Variants in SPIDR observed in about 807,000 individuals in gnomAD.
The protein encoded by SPIDR is scaffold protein involved in DNA repair, also known as DNA repair-scaffolding protein.
A neutral mutation model predicts 104.6 loss-of-function variants in SPIDR; 93 were observed. The observed-to-expected ratio is 0.89, with a 90% CI of 0.75 to 1.06. SPIDR has a LOEUF of 1.06. Ranked by LOEUF, SPIDR falls within the 50% of genes least tolerant of loss-of-function variation. The pLI is 0.00. For synonymous variants in SPIDR, 431 were observed against 416.9 expected (o/e 1.03, Z -0.41); for missense variants, 1,154 against 1,111.2 (o/e 1.04, Z -0.55).
intron 1 of SPIDR, among the ~76,000 whole-genome samples, chr8:47,261,298 T>C (rs78005016): frequency 0.03 from 4,554 of 152,298 alleles, 217 homozygotes; most frequent in African/African-American, 0.1. Flanking sequence ...TACTTGGCCT[T>C]ACTCTTGTCT....
chr8:47,383,002 A>C (rs759378640), intron 5 of SPIDR, among the ~76,000 whole-genome samples: 4 of 152,202 alleles, frequency 2.6e-5, no homozygotes, highest in African/African-American at 4.8e-5. Flanking sequence ...TTTAACTCCT[A>C]GTATACAGCC....
chr8:47,394,581 T>C (rs2061027905), intron 5 of SPIDR, among the ~76,000 whole-genome samples: 2 of 152,194 alleles, frequency 1.3e-5, no homozygotes, highest in African/African-American at 2.4e-5. Context: ...AAGCACCCCA[T>C]TGCACACACG....
At chr8:47,676,175 A>T (rs1357145908) in intron 11 of SPIDR, among the ~76,000 whole-genome samples, 4 of 152,244 alleles carry the variant, frequency 2.6e-5, no homozygotes, top group African/African-American at 9.6e-5. Context: ...TGTGGTTGGC[A>T]CTAGAAGCCT....
chr8:47,523,097 C>T (rs1036697394), intron 8 of SPIDR, among the ~76,000 whole-genome samples: 1 of 152,034 alleles, frequency 6.6e-6, no homozygotes, highest in Non-Finnish European at 1.5e-5. Context: ...ACCTCCCAGG[C>T]TCAGGCAATC....
chr8:47,504,727 C>T (rs2081195289), intron 8 of SPIDR, among the ~76,000 whole-genome samples: 1 of 152,136 alleles, frequency 6.6e-6, no homozygotes, highest in African/African-American at 2.4e-5. Context: ...TTTAGAGTTT[C>T]CAGTTTTTCT....
At chr8:47,436,327 A>G (rs782324398) in intron 7 of SPIDR, among the ~76,000 whole-genome samples, 2 of 152,240 alleles carry the variant, frequency 1.3e-5, no homozygotes, top group Non-Finnish European at 2.9e-5. Context: ...GTTATGGAAA[A>G]TGTTGCCTGG....
At chr8:47,358,335 G>A (rs945580421) in intron 5 of SPIDR, among the ~76,000 whole-genome samples, 3 of 152,146 alleles carry the variant, frequency 2.0e-5, no homozygotes, top group African/African-American at 7.2e-5. Context: ...TGATTCTACC[G>A]CCTCAGCCTC....
At chr8:47,548,796 T>C (rs1028883533) in intron 8 of SPIDR, among the ~76,000 whole-genome samples, 34 of 152,238 alleles carry the variant, frequency 2.2e-4, no homozygotes, top group African/African-American at 8.2e-4. Context: ...ATACTTTAAG[T>C]TCTAGGGTAC....
At chr8:47,652,221 AAAGGTTGGCAGG>A (rs143878567) in intron 10 of SPIDR, among the ~76,000 whole-genome samples, 2,756 of 152,296 alleles carry the variant, frequency 0.018, 87 homozygotes, top group African/African-American at 0.064. Context: ...ACACTTTCTC[AAAGGTTGGCAGG>A]AAGGTTGGCA....
chr8:47,540,232 C>T (rs940981572), intron 8 of SPIDR, among the ~76,000 whole-genome samples: 7 of 152,114 alleles, frequency 4.6e-5, no homozygotes, highest in African/African-American at 9.7e-5. Flanking sequence ...ATTGTTCTCG[C>T]GGTTTCTCCT....
At chr8:47,479,617 G>A (rs1396141532) in intron 8 of SPIDR, among the ~76,000 whole-genome samples, 7 of 152,166 alleles carry the variant, frequency 4.6e-5, no homozygotes, top group Admixed American at 1.3e-4. Context: ...TGTGGCTGAG[G>A]TTCTCCTTCA....
intron 19 of SPIDR, among the ~76,000 whole-genome samples, chr8:47,734,534 C>T (rs2085850646): frequency 6.6e-6 from 1 of 152,140 alleles, no homozygotes; most frequent in Non-Finnish European, 1.5e-5. Context: ...AAATGCCTTG[C>T]ACAGAGGAGG....
At chr8:47,392,305 A>G (rs2060693013) in intron 5 of SPIDR, among the ~76,000 whole-genome samples, 1 of 152,138 alleles carries the variant, frequency 6.6e-6, no homozygotes, top group Admixed American at 6.5e-5. Context: ...CACCACCTTT[A>G]TGGGGAAGGA....
At chr8:47,319,937 C>T (rs1032399835) in intron 5 of SPIDR, among the ~76,000 whole-genome samples, 4 of 151,832 alleles carry the variant, frequency 2.6e-5, no homozygotes, top group Non-Finnish European at 5.9e-5. Context: ...CTCTGGGACA[C>T]ATTCAAAGCA....
intron 10 of SPIDR, among the ~76,000 whole-genome samples, chr8:47,618,161 C>A (rs1015118838): frequency 6.6e-6 from 1 of 151,984 alleles, no homozygotes; most frequent in Non-Finnish European, 1.5e-5. Context: ...GAATTCCTCT[C>A]GTGTCATTTT....
At chr8:47,428,077 G>A (rs982528059) in intron 7 of SPIDR, among the ~76,000 whole-genome samples, 4 of 152,108 alleles carry the variant, frequency 2.6e-5, no homozygotes, top group Non-Finnish European at 5.9e-5. Flanking sequence ...CGTGCGCCAC[G>A]ACGCCTGGCT....
At chr8:47,515,518 T>C (rs918787665) in intron 8 of SPIDR, among the ~76,000 whole-genome samples, 1 of 152,176 alleles carries the variant, frequency 6.6e-6, no homozygotes, top group Non-Finnish European at 1.5e-5. Context: ...CCAAGGATCC[T>C]TGGGAAGTGT....
chr8:47,280,069 G>C lies in SPIDR; in HGVS notation c.189+52G>C, dbSNP rs985732266. On this transcript the variant is annotated intron_variant, in intron 2 of 19. Coordinates refer to ENST00000297423, the MANE Select transcript of SPIDR (RefSeq NM_001080394.4). ...CTGAATGCCAAAGAGGAAATCCTGA[G>C]TGTTCAGAACATTGTAATTACATTT... 2,390 of 1,578,012 alleles carry C rather than the reference G, an allele frequency of 1.5e-3. 3 individuals are homozygous for C. Among genetic ancestry groups the C allele is most frequent in the Non-Finnish European group, 1.9e-3 (2,197 of 1,152,086 alleles).
intron 8 of SPIDR, among the ~76,000 whole-genome samples, chr8:47,588,968 A>G (rs1190853256): frequency 6.7e-6 from 1 of 149,160 alleles, no homozygotes; most frequent in Non-Finnish European, 1.5e-5. Context: ...ATTTGCTAAC[A>G]TATTGTTAAA....
Sources: allele counts gnomAD v4.1 joint callset (sites outside exome capture counted in the v4.1 genomes callset), GRCh38; gene constraint gnomAD v4.1.1; transcripts MANE v1.5; gene names NCBI Gene and HGNC (gene_info 2026-07-23, HGNC 2026-07-21).